Variants in WDFY4 observed in about 807,000 individuals in gnomAD.
WDFY4 encodes the protein WD repeat- and FYVE domain-containing protein 4.
A neutral mutation model predicts 351.9 loss-of-function variants in WDFY4; 169 were observed. The ratio of observed to expected loss-of-function variants is 0.48; its 90% CI spans 0.42 to 0.55. The LOEUF is 0.55. Among genes scored for constraint, WDFY4 ranks in the 20% least tolerant of loss-of-function variants. The probability of loss-of-function intolerance (pLI) is 0.00; values close to 1 mark genes in which losing one functional copy is unlikely to be tolerated. For synonymous variants in WDFY4, 1,622 were observed against 1,574.6 expected, an observed-to-expected ratio of 1.03 and a Z score of -0.71; for missense variants, 3,803 against 3,935.6, an observed-to-expected ratio of 0.97 and a Z score of 0.90.
intron 39 of WDFY4, among the ~76,000 whole-genome samples, chr10:48,854,863 T>TC (rs2069082413): frequency 6.6e-6 from 1 of 152,166 alleles, no homozygotes; most frequent in Admixed American, 6.5e-5. Context: ...GCATCCAAGG[T>TC]CCCCTAAGAG....
In WDFY4 at chr10:48,727,792, A is replaced by G. The variant is rs887892568; in HGVS notation, c.971+133A>G. ...GCCAGAGAGACCTCTTATTTGCAAAAGTGATTCATTGTGCAGACAGGCATG... is the reference window on the plus strand; with the variant it reads ...GCCAGAGAGACCTCTTATTTGCAAAGGTGATTCATTGTGCAGACAGGCATG... On this transcript the variant is annotated intron_variant, in intron 7 of 61. Coordinates refer to ENST00000325239, the MANE Select transcript of WDFY4 (RefSeq NM_001394531.1). 37 of 1,168,644 alleles carry G rather than the reference A, an allele frequency of 3.2e-5. No individual in the cohort carries two copies. In the African/African-American group the frequency reaches 5.6e-4, roughly 18 times the overall value. The allele number at this position is 1,168,644 out of a possible 1,614,324, so 72.4% of individuals were successfully genotyped here.
At chr10:48,798,723 C>A (rs2066956499) in intron 24 of WDFY4, among the ~76,000 whole-genome samples, 2 of 152,206 alleles carry the variant, frequency 1.3e-5, no homozygotes, top group Non-Finnish European at 2.9e-5. Flanking sequence ...GAAATAGGTT[C>A]TTTCTAGCTT....
In WDFY4 at chr10:48,970,204, T is replaced by C. The variant is rs368569728; in HGVS notation, c.8843T>C (p.Ile2948Thr). 15 of 1,551,596 alleles carry C rather than the reference T, an allele frequency of 9.7e-6. No individual in the cohort carries two copies. The African/African-American group carries it at 1.1e-4, about 11-fold the overall frequency. The change falls in exon 57 of 62, where the codon ATT becomes ACT. Residue 2948 changes from isoleucine (I) to threonine (T), a missense_variant. Physicochemically the swap from Ile to Thr is moderately conservative, Grantham distance 89. Transcript: ENST00000325239. ...GCCGTGTGCCCATCCCCAACAACGA[T>C]TGTCACCTCTGGGACCAGCACTGTG... ...LCAVCPSPTTIVTSGTSTVVC... is the reference protein window; with the variant it reads ...LCAVCPSPTTTVTSGTSTVVC...
At chr10:48,789,778 G>A (rs530680587) in intron 21 of WDFY4, 96 bp from the exon 22 acceptor site, 11 of 1,130,004 alleles carry the variant, frequency 9.7e-6, no homozygotes, top group African/African-American at 7.7e-5. Flanking sequence ...GTCAGCACTG[G>A]GCCAGGCCCC....
At chr10:48,941,944 G>A in intron 48 of WDFY4, 96 bp downstream of exon 48, 1 of 1,166,712 alleles carries the variant, frequency 8.6e-7, no homozygotes, top group Non-Finnish European at 1.2e-6. Flanking sequence ...GATCAACCAA[G>A]AAGGGATCTT....
In WDFY4 at chr10:48,882,358, A is replaced by C. The variant is rs1011058449; in HGVS notation, c.7167+5159A>C. Among the ~76,000 whole-genome samples the C allele has an allele frequency of 3.3e-5, 5 of 152,140 alleles. No homozygotes were observed. In the South Asian group the frequency reaches 1.0e-3, roughly 32 times the overall value. The stretch of plus-strand genomic sequence containing the variant: ...GCTGGTTTGAGAACCTCATTCTGCT[A>C]TTTGTTTGTTGCTATTAATATTATT... On this transcript the variant is annotated intron_variant, in intron 43 of 61. Coordinates refer to ENST00000325239, the MANE Select transcript of WDFY4 (RefSeq NM_001394531.1).
chr10:48,843,844 A>G (rs2068686326), intron 39 of WDFY4, among the ~76,000 whole-genome samples: 1 of 152,244 alleles, frequency 6.6e-6, no homozygotes, highest in Admixed American at 6.5e-5. Flanking sequence ...AAAAATTATG[A>G]GTTATGAGGA....
intron 60 of WDFY4, among the ~76,000 whole-genome samples, chr10:48,979,340 T>A (rs1373456924): frequency 6.6e-6 from 1 of 152,166 alleles, no homozygotes; most frequent in Non-Finnish European, 1.5e-5. Flanking sequence ...CCAAACTCCC[T>A]CCCATATCTG....
chr10:48,734,142 A>G (rs1316362826), intron 10 of WDFY4, 107 bp downstream of exon 10: 2 of 963,336 alleles, frequency 2.1e-6, no homozygotes, highest in Non-Finnish European at 3.2e-6. Context: ...TAACCAATAC[A>G]CAGCGTTAGC....
At chr10:48,696,533 C>G (rs2063336023) in intron 1 of WDFY4, among the ~76,000 whole-genome samples, 1 of 152,256 alleles carries the variant, frequency 6.6e-6, no homozygotes, top group Admixed American at 6.5e-5. Context: ...CGGCCCTGTC[C>G]TGACATCCAA....
intron 47 of WDFY4, among the ~76,000 whole-genome samples, chr10:48,929,242 G>C (rs1589924168): frequency 6.6e-6 from 1 of 151,908 alleles, no homozygotes; most frequent in East Asian, 1.9e-4. Flanking sequence ...GGAGGACAGA[G>C]GAAGAAAGAA....
intron 13 of WDFY4, among the ~76,000 whole-genome samples, chr10:48,772,674 C>T (rs2065906376): frequency 6.7e-6 from 1 of 148,234 alleles, no homozygotes; most frequent in African/African-American, 2.5e-5. Context: ...TTAGGTATAT[C>T]TCCCAATGCT....
chr10:48,843,334 C>T (rs977979505), intron 39 of WDFY4, among the ~76,000 whole-genome samples: 2 of 152,174 alleles, frequency 1.3e-5, no homozygotes, highest in Non-Finnish European at 2.9e-5. Context: ...TTGAGTAATA[C>T]AGAGTCCACA....
At chr10:48,761,545 G>A (rs1405223831) in intron 13 of WDFY4, among the ~76,000 whole-genome samples, 1 of 152,178 alleles carries the variant, frequency 6.6e-6, no homozygotes, top group African/African-American at 2.4e-5. Flanking sequence ...TCAGGAAGAG[G>A]AGGCTACAGG....
chr10:48,971,222 C>A (rs1447260688), intron 57 of WDFY4, among the ~76,000 whole-genome samples: 1 of 152,114 alleles, frequency 6.6e-6, no homozygotes, highest in East Asian at 1.9e-4. Flanking sequence ...ATAAGCTGTA[C>A]AAAATCACTC....
chr10:48,839,247 G>T (rs1280467700), intron 39 of WDFY4, among the ~76,000 whole-genome samples: 2 of 152,232 alleles, frequency 1.3e-5, no homozygotes, highest in Non-Finnish European at 2.9e-5. Context: ...TCAAAATGCA[G>T]TTGTGAAAAC....
At chr10:48,923,486 A>G (rs1243628522) in intron 47 of WDFY4, among the ~76,000 whole-genome samples, 2 of 143,450 alleles carry the variant, frequency 1.4e-5, no homozygotes, top group African/African-American at 2.6e-5. Flanking sequence ...TAAACAACAA[A>G]TAGTTTTTAG....
Position 48,812,180 on chromosome 10 carries a change from T to C in WDFY4, c.5214+472T>C, listed in dbSNP as rs541896917. On this transcript the variant is annotated intron_variant, in intron 30 of 61. Coordinates refer to ENST00000325239, the MANE Select transcript of WDFY4 (RefSeq NM_001394531.1). ...AGTTATCCTTTCTTTCTTTCTTTTC[T>C]TTTTTTTTTGTTTTTTTTGTTTTTT... Among the ~76,000 whole-genome samples, 5 of 140,182 alleles carry C rather than the reference T, an allele frequency of 3.6e-5. No individual in the cohort carries two copies. The East Asian group carries it at 1.0e-3, about 28-fold the overall frequency. 92.0% of individuals were successfully genotyped at this position (140,182 alleles called of 152,430 possible).
Position 48,909,094 on chromosome 10 carries a change from A to G in WDFY4, c.7586+7231A>G, listed in dbSNP as rs1460140036. Among the ~76,000 whole-genome samples, 5 of 152,160 alleles carry G rather than the reference A, an allele frequency of 3.3e-5. No individual in the cohort carries two copies. In the South Asian group the frequency reaches 1.0e-3, roughly 31 times the overall value. ...GAGATACATTCAAGTTGTTGCATGT[A>G]TCAGTGGTCTGTTCCTCTTTTCGCT... On this transcript the variant is annotated intron_variant, in intron 47 of 61. Coordinates refer to ENST00000325239, the MANE Select transcript of WDFY4 (RefSeq NM_001394531.1).
Sources: gnomAD v4.1 joint callset for allele counts (sites outside exome capture counted in the v4.1 genomes callset) on GRCh38, gnomAD v4.1.1 for gene constraint, MANE v1.5 for transcripts, NCBI Gene and HGNC (gene_info 2026-07-23, HGNC 2026-07-21) for gene names.